Variants in PRKG1 observed in about 807,000 individuals in gnomAD.
PRKG1 encodes the protein protein kinase cGMP-dependent 1, also known as cGMP-dependent protein kinase 1.
In PRKG1, 35 loss-of-function variants were observed where a neutral mutation model predicts 88.1. The observed-to-expected ratio is 0.40, with a 90% confidence interval of 0.30 to 0.53. The LOEUF is 0.53. PRKG1 is among the 20% of genes least tolerant of loss of function. The probability of loss-of-function intolerance (pLI) is 0.59; values close to 1 mark genes in which losing one functional copy is unlikely to be tolerated. For synonymous variants in PRKG1, 303 were observed against 292.5 expected, an observed-to-expected ratio of 1.04 and a Z score of -0.37; for missense variants, 540 against 839.8, an observed-to-expected ratio of 0.64 and a Z score of 4.41.
At chr10:51,590,315 G>A (rs10998388) in intron 3 of PRKG1, among the ~76,000 whole-genome samples, 143 of 152,138 alleles carry the variant, frequency 9.4e-4, no homozygotes, top group African/African-American at 3.3e-3. Flanking sequence ...GAGGCTACCC[G>A]CCCCCCACAA....
At chr10:51,523,708 T>A (rs1326004209) in intron 3 of PRKG1, among the ~76,000 whole-genome samples, 1 of 152,184 alleles carries the variant, frequency 6.6e-6, no homozygotes, top group Non-Finnish European at 1.5e-5. Context: ...TGCCATCAGA[T>A]CTGGCCTCTG....
chr10:51,724,548 AATG>A (rs1255107231), intron 3 of PRKG1, among the ~76,000 whole-genome samples: 20 of 152,186 alleles, frequency 1.3e-4, no homozygotes, highest in African/African-American at 4.8e-4. Flanking sequence ...ATTTTTGAAT[AATG>A]ATGATTATTA....
At chr10:51,735,143 C>G (rs75246677) in intron 3 of PRKG1, among the ~76,000 whole-genome samples, 2 of 152,142 alleles carry the variant, frequency 1.3e-5, no homozygotes, top group Admixed American at 6.6e-5. Context: ...ATGGAAACCA[C>G]GCAAAAACAA....
chr10:52,070,708 C>T (rs1447415001), intron 7 of PRKG1, among the ~76,000 whole-genome samples: 1 of 152,142 alleles, frequency 6.6e-6, no homozygotes, highest in Non-Finnish European at 1.5e-5. Flanking sequence ...TTAATAGAAG[C>T]TGGGCAGATT....
At chr10:52,019,270 A>T (rs925773095) in intron 5 of PRKG1, among the ~76,000 whole-genome samples, 1 of 152,150 alleles carries the variant, frequency 6.6e-6, no homozygotes, top group East Asian at 1.9e-4. Context: ...ATCAAATTTC[A>T]CCACGAGGTT....
intron 2 of PRKG1, among the ~76,000 whole-genome samples, chr10:51,461,832 G>A (rs1839752396): frequency 6.6e-6 from 1 of 152,174 alleles, no homozygotes; most frequent in African/African-American, 2.4e-5. Context: ...CTGGGAATTG[G>A]ATGGCTTTTC....
chr10:51,545,038 T>TA (rs1433954257), intron 3 of PRKG1, among the ~76,000 whole-genome samples: 2 of 152,190 alleles, frequency 1.3e-5, no homozygotes, highest in East Asian at 3.9e-4. Flanking sequence ...AGCCCAGTGA[T>TA]ACAGTATTTA....
intron 7 of PRKG1, among the ~76,000 whole-genome samples, chr10:52,072,296 A>G (rs868704943): frequency 6.6e-6 from 1 of 150,936 alleles, no homozygotes; most frequent in African/African-American, 2.4e-5. Context: ...TCTGGTGGGA[A>G]TTTTTATTTC....
intron 7 of PRKG1, among the ~76,000 whole-genome samples, chr10:52,090,247 A>AT (rs1013223915): frequency 8.6e-5 from 13 of 150,586 alleles, no homozygotes; most frequent in South Asian, 4.2e-4. Flanking sequence ...GGAAGGAATG[A>AT]TTTTTTTTTT....
chr10:51,575,704 C>T (rs916032210), intron 3 of PRKG1, among the ~76,000 whole-genome samples: 9 of 149,742 alleles, frequency 6.0e-5, no homozygotes, highest in African/African-American at 2.0e-4. Context: ...TGAGCCCGCT[C>T]ATGGCTTCAT....
At chr10:51,164,586 A>G (rs376650170) in intron 2 of PRKG1, among the ~76,000 whole-genome samples, 6 of 152,168 alleles carry the variant, frequency 3.9e-5, no homozygotes, top group Non-Finnish European at 7.4e-5. Flanking sequence ...GGCTTCAGAC[A>G]ATCAAACTAC....
chr10:52,224,807 TCATATATA>T (rs1564522447), intron 9 of PRKG1, among the ~76,000 whole-genome samples: 1 of 24,714 alleles, frequency 4.0e-5, no homozygotes, highest in East Asian at 8.8e-4. Flanking sequence ...TAGTATTCCA[TCATATATA>T]TATATATATA....
At chr10:51,291,622 A>G (rs1840585030) in intron 2 of PRKG1, among the ~76,000 whole-genome samples, 2 of 152,092 alleles carry the variant, frequency 1.3e-5, no homozygotes, top group Non-Finnish European at 2.9e-5. Context: ...CTGAAAACTG[A>G]CCCACCTAAG....
chr10:51,133,634 G>A (rs1047301794), intron 1 of PRKG1, among the ~76,000 whole-genome samples: 1 of 152,166 alleles, frequency 6.6e-6, no homozygotes, highest in Non-Finnish European at 1.5e-5. Context: ...AGTGTGGAGA[G>A]CTTTGATTTC....
intron 3 of PRKG1, among the ~76,000 whole-genome samples, chr10:51,691,711 G>A (rs1228660046): frequency 6.6e-6 from 1 of 152,194 alleles, no homozygotes; most frequent in Non-Finnish European, 1.5e-5. Flanking sequence ...AGCAGGAGTT[G>A]TAAGCTCGAA....
At chr10:51,381,089 T>A (rs1588898150) in intron 2 of PRKG1, among the ~76,000 whole-genome samples, 2 of 150,728 alleles carry the variant, frequency 1.3e-5, no homozygotes, top group South Asian at 2.1e-4. Context: ...AAACCCCATC[T>A]CTACTAAAAA....
intron 3 of PRKG1, among the ~76,000 whole-genome samples, chr10:51,690,014 A>G (rs1454775417): frequency 1.3e-5 from 2 of 152,212 alleles, no homozygotes; most frequent in Non-Finnish European, 2.9e-5. Flanking sequence ...ATGTTTCTGC[A>G]GGCTGTACAG....
chr10:51,361,182 G>T (rs35346887), intron 2 of PRKG1, among the ~76,000 whole-genome samples: 1 of 151,808 alleles, frequency 6.6e-6, no homozygotes, highest in Non-Finnish European at 1.5e-5. Flanking sequence ...CCCAAACAAG[G>T]TTTTAACCTC....
At chr10:51,500,531 A>G (rs1051114492) in intron 3 of PRKG1, among the ~76,000 whole-genome samples, 1 of 152,188 alleles carries the variant, frequency 6.6e-6, no homozygotes, top group African/African-American at 2.4e-5. Flanking sequence ...CCCAGTTTCT[A>G]CCAATATCCA....
Sources: allele counts gnomAD v4.1 joint callset (sites outside exome capture counted in the v4.1 genomes callset), GRCh38; gene constraint gnomAD v4.1.1; transcripts MANE v1.5; gene names NCBI Gene and HGNC (gene_info 2026-07-23, HGNC 2026-07-21).